Variants in TASP1 observed in about 807,000 individuals in gnomAD.
TASP1 encodes the protein taspase 1.
In TASP1, 16 loss-of-function variants were observed where a neutral mutation model predicts 56.6. The ratio of observed to expected loss-of-function variants is 0.28; its 90% CI spans 0.19 to 0.43. The LOEUF is 0.43. Ranked by LOEUF, TASP1 falls within the 20% of genes least tolerant of loss-of-function variation. The pLI, the probability that TASP1 is intolerant of heterozygous loss-of-function variation, is 1.00. For synonymous variants in TASP1, 179 were observed against 184.2 expected (o/e 0.97, Z 0.23); for missense variants, 393 against 511.6 (o/e 0.77, Z 2.24).
chr20:13,157,911 G>A, the TASP1 span, among the ~76,000 whole-genome samples: 1 of 152,190 alleles, frequency 6.6e-6, no homozygotes, highest in Non-Finnish European at 1.5e-5. Flanking sequence ...TTTTATTAAA[G>A]AATGGTGATC....
the TASP1 span, among the ~76,000 whole-genome samples, chr20:13,248,284 G>T: frequency 4.6e-5 from 7 of 152,182 alleles, no homozygotes; most frequent in Non-Finnish European, 1.5e-5. Context: ...ATATCCAGCA[G>T]CAGGTGAGTA....
intron 10 of TASP1, among the ~76,000 whole-genome samples, chr20:13,515,868 C>A (rs922819510): frequency 6.6e-6 from 1 of 152,032 alleles, no homozygotes. Flanking sequence ...AACTCAAAGT[C>A]AACACATTGT....
At chr20:13,328,653 C>CA in the TASP1 span, among the ~76,000 whole-genome samples, 1 of 152,178 alleles carries the variant, frequency 6.6e-6, no homozygotes, top group Non-Finnish European at 1.5e-5. Flanking sequence ...CGTGCCTTTG[C>CA]AGGGACATGC....
chr20:13,289,194 T>C, the TASP1 span, among the ~76,000 whole-genome samples: 30,119 of 152,080 alleles, frequency 0.2, 3,169 homozygotes, highest in South Asian at 0.27. Flanking sequence ...AAAGACAATG[T>C]CGCATTGTAC....
intron 12 of TASP1, among the ~76,000 whole-genome samples, chr20:13,434,359 G>A (rs1041176813): frequency 1.3e-5 from 2 of 152,116 alleles, no homozygotes; most frequent in African/African-American, 4.8e-5. Flanking sequence ...AGATGGATTA[G>A]AAAAAGGCAA....
the TASP1 span, among the ~76,000 whole-genome samples, chr20:13,134,368 T>G: frequency 2.6e-5 from 4 of 152,208 alleles, no homozygotes; most frequent in South Asian, 4.1e-4. Context: ...TCTGCAGGCA[T>G]GTCTAATTTT....
chr20:13,502,365 A>G (rs1319189550), intron 10 of TASP1, among the ~76,000 whole-genome samples: 2 of 152,144 alleles, frequency 1.3e-5, no homozygotes, highest in African/African-American at 4.8e-5. Context: ...CACACAATGG[A>G]ATATTAAACA....
the TASP1 span, among the ~76,000 whole-genome samples, chr20:13,258,898 A>C: frequency 1.3e-5 from 2 of 152,180 alleles, no homozygotes; most frequent in African/African-American, 4.8e-5. Context: ...AGTGCATTAG[A>C]CCAACATCCG....
the TASP1 span, among the ~76,000 whole-genome samples, chr20:13,241,384 G>A: frequency 2.6e-5 from 4 of 152,180 alleles, no homozygotes; most frequent in Non-Finnish European, 4.4e-5. Context: ...CATCTGTGAG[G>A]CTGATGAGAA....
chr20:13,126,897 A>C, the TASP1 span, among the ~76,000 whole-genome samples: 11 of 152,268 alleles, frequency 7.2e-5, no homozygotes, highest in African/African-American at 2.4e-4. Flanking sequence ...TGTTAAAGCA[A>C]AGAAAACTTT....
At chr20:13,559,138 T>C (rs776307294) in intron 7 of TASP1, 24 bp from the exon 8 acceptor site, 8 of 1,432,814 alleles carry the variant, frequency 5.6e-6, no homozygotes, top group Non-Finnish European at 6.6e-6. Context: ...ATAAAAAACA[T>C]TAAATATAAC....
chr20:13,454,064 A>G (rs1429334908), intron 11 of TASP1, among the ~76,000 whole-genome samples: 5 of 124,460 alleles, frequency 4.0e-5, no homozygotes, highest in African/African-American at 1.2e-4. Context: ...TTGAGGGGGA[A>G]AAAAAAAAAA....
At chr20:13,280,726 T>A in the TASP1 span, among the ~76,000 whole-genome samples, 1 of 152,010 alleles carries the variant, frequency 6.6e-6, no homozygotes, top group Non-Finnish European at 1.5e-5. Context: ...TCAGATCTAC[T>A]GAAATTCTGT....
intron 6 of TASP1, among the ~76,000 whole-genome samples, chr20:13,578,587 A>G (rs2047011061): frequency 6.6e-6 from 1 of 152,016 alleles, no homozygotes; most frequent in African/African-American, 2.4e-5. Context: ...TTTTTTCCTA[A>G]TATTTTTATA....
At chr20:13,303,090 G>C in the TASP1 span, among the ~76,000 whole-genome samples, 11 of 152,184 alleles carry the variant, frequency 7.2e-5, no homozygotes, top group African/African-American at 2.7e-4. Flanking sequence ...CCAGTCTATA[G>C]ATAAGGAAAA....
At chr20:13,188,495 A>T in the TASP1 span, among the ~76,000 whole-genome samples, 1 of 152,208 alleles carries the variant, frequency 6.6e-6, no homozygotes, top group South Asian at 2.1e-4. Context: ...AAATATCTCT[A>T]CAATAAAAAC....
At chr20:13,155,525 G>A in the TASP1 span, among the ~76,000 whole-genome samples, 1 of 152,236 alleles carries the variant, frequency 6.6e-6, no homozygotes, top group East Asian at 1.9e-4. Flanking sequence ...AAAATCACAA[G>A]CAGTTAAAAC....
chr20:13,382,306 T>A, the TASP1 span, among the ~76,000 whole-genome samples: 1 of 152,190 alleles, frequency 6.6e-6, no homozygotes, highest in Non-Finnish European at 1.5e-5. Flanking sequence ...CTGTGGAGCT[T>A]CTCGTGCTGT....
intron 11 of TASP1, among the ~76,000 whole-genome samples, chr20:13,473,012 A>T (rs1435759572): frequency 6.6e-6 from 1 of 152,202 alleles, no homozygotes; most frequent in East Asian, 1.9e-4. Flanking sequence ...TTATAGAAAC[A>T]TGCTACTATA....
Sources: gnomAD v4.1 joint callset for allele counts (sites outside exome capture counted in the v4.1 genomes callset) on GRCh38, gnomAD v4.1.1 for gene constraint, MANE v1.5 for transcripts, NCBI Gene and HGNC (gene_info 2026-07-23, HGNC 2026-07-21) for gene names.